NUDCD3: variants seen among roughly 807,000 people sequenced by gnomAD.
The protein encoded by NUDCD3 is nudC domain-containing protein 3.
NUDCD3 carries 13 observed loss-of-function variants against 39.7 expected under a neutral mutation model. The observed-to-expected ratio is 0.33, with a 90% CI of 0.21 to 0.52. The LOEUF is 0.52. NUDCD3 is among the 20% of genes least tolerant of loss of function. NUDCD3 has a pLI of 0.96. For missense variants in NUDCD3, 453 were observed against 458.1 expected, an observed-to-expected ratio of 0.99 and a Z score of 0.10; for synonymous variants, 175 against 172.4, an observed-to-expected ratio of 1.02 and a Z score of -0.12.
intron 2 of NUDCD3, among the ~76,000 whole-genome samples, chr7:44,480,362 A>T (rs1800462496): frequency 6.6e-6 from 1 of 152,228 alleles, no homozygotes. Flanking sequence ...AAAAATGAAG[A>T]ACACTCACAA....
intron 3 of NUDCD3, among the ~76,000 whole-genome samples, chr7:44,412,282 C>G (rs1300799326): frequency 1.3e-5 from 2 of 152,148 alleles, no homozygotes; most frequent in South Asian, 2.1e-4. Context: ...GGTTTAAAAC[C>G]CAGAGTACTC....
rs188101006 is a variant in NUDCD3, at chr7:44,475,143, G to A, written c.509+9825C>T. Among the ~76,000 whole-genome samples, 138 of 141,498 alleles carry A rather than the reference G, an allele frequency of 9.8e-4. No homozygotes were observed. The East Asian group carries it at 0.025, about 25-fold the overall frequency. The allele number at this position is 141,498 out of a possible 152,430, so 92.8% of individuals were successfully genotyped here. On this transcript the variant is annotated intron_variant, in intron 2 of 5. Coordinates refer to ENST00000355451, the MANE Select transcript of NUDCD3 (RefSeq NM_015332.4). ...TTTTTTTTTTTTGAGACGAAGTCTC[G>A]CTCTGTCACTCCAGCTGGAGTGCAG...
rs543501076 is a variant in NUDCD3 at position 44,477,063 on chromosome 7, G to A, written c.509+7905C>T. On this transcript the variant is annotated intron_variant, in intron 2 of 5. Transcript: ENST00000355451. ...GAAGCACCGAGGTCCCTGTAACTGC[G>A]CACAAAGGCCACACTACCCAAAGCA... 3.3e-5 allele frequency among the ~76,000 whole-genome samples: 5 copies of A among 152,210 alleles called. No homozygotes were observed. The South Asian group carries it at 6.2e-4, about 19-fold the overall frequency.
At chr7:44,468,625 G>C (rs1434884026) in intron 2 of NUDCD3, among the ~76,000 whole-genome samples, 3 of 152,150 alleles carry the variant, frequency 2.0e-5, no homozygotes, top group Admixed American at 6.6e-5. Flanking sequence ...CATCCACTGG[G>C]AGAGTCTAGA....
At chr7:44,453,736 T>C (rs184893617) in intron 2 of NUDCD3, among the ~76,000 whole-genome samples, 3 of 152,150 alleles carry the variant, frequency 2.0e-5, no homozygotes, top group African/African-American at 7.2e-5. Context: ...TTTTAAAACA[T>C]CTTTAAATGT....
At chr7:44,425,601 C>CT (rs1160985648) in intron 3 of NUDCD3, among the ~76,000 whole-genome samples, 1 of 152,186 alleles carries the variant, frequency 6.6e-6, no homozygotes, top group Admixed American at 6.5e-5. Flanking sequence ...CAATGGCTCA[C>CT]ACCTGCAATC....
intron 1 of NUDCD3, among the ~76,000 whole-genome samples, chr7:44,486,877 A>G (rs1290716810): frequency 6.6e-6 from 1 of 152,168 alleles, no homozygotes; most frequent in East Asian, 1.9e-4. Context: ...CCTCCCAACT[A>G]TCACATGTTC....
At chr7:44,445,233 C>G (rs1799669067) in intron 2 of NUDCD3, among the ~76,000 whole-genome samples, 1 of 152,210 alleles carries the variant, frequency 6.6e-6, no homozygotes. Flanking sequence ...TCTACATCCC[C>G]TACCTTGTCC....
chr7:44,435,312 G>A (rs1264647939), intron 2 of NUDCD3, among the ~76,000 whole-genome samples: 1 of 152,154 alleles, frequency 6.6e-6, no homozygotes, highest in African/African-American at 2.4e-5. Flanking sequence ...AACACACACG[G>A]TAAGCCTAGC....
chr7:44,474,774 T>C (rs1490779339), intron 2 of NUDCD3, among the ~76,000 whole-genome samples: 1 of 152,264 alleles, frequency 6.6e-6, no homozygotes, highest in Non-Finnish European at 1.5e-5. Flanking sequence ...CCTAACAACT[T>C]AAATCAGGTT....
At position 44,469,115 on chromosome 7, in the gene NUDCD3, C is replaced by CAAA. The variant is rs756247647; in HGVS notation, c.509+15850_509+15852dup. ...AGGGCCAGTTTTCAAACAAACAAACCAAAAAAAAAAAAAAAAAAAAAAAAA... is the reference window on the plus strand; with the variant it reads ...AGGGCCAGTTTTCAAACAAACAAACCAAAAAAAAAAAAAAAAAAAAAAAAAAAA... On this transcript the variant is annotated intron_variant, in intron 2 of 5. Transcript: ENST00000355451. Among the ~76,000 whole-genome samples the CAAA allele has an allele frequency of 3.3e-4, 11 of 32,862 alleles. 1 individual carries two copies. The East Asian group carries it at 4.2e-3, about 12-fold the overall frequency. 21.6% of individuals were successfully genotyped at this position (32,862 alleles called of 152,430 possible). A position where few individuals can be genotyped will look rare whatever the true frequency, so the allele number is the denominator to read the frequency against.
chr7:44,487,364 C>G (rs1175834725), intron 1 of NUDCD3, among the ~76,000 whole-genome samples: 1 of 151,996 alleles, frequency 6.6e-6, no homozygotes, highest in Non-Finnish European at 1.5e-5. Context: ...AAATTCTTCT[C>G]TGCCTATATT....
At chr7:44,437,739 T>C (rs1475328065) in intron 2 of NUDCD3, among the ~76,000 whole-genome samples, 2 of 152,240 alleles carry the variant, frequency 1.3e-5, no homozygotes, top group Non-Finnish European at 2.9e-5. Context: ...GATGATTCTA[T>C]ATTTACTGAA....
At chr7:44,459,075 AAAG>A (rs1219937979) in intron 2 of NUDCD3, among the ~76,000 whole-genome samples, 3 of 152,188 alleles carry the variant, frequency 2.0e-5, no homozygotes, top group South Asian at 2.1e-4. Context: ...GCAGGATTAT[AAAG>A]AAGAAATTCC....
rs1368481643 is a variant in NUDCD3 at position 44,384,965 on chromosome 7, ATAAGTTCCAAGGAGCACAGTC to A, written c.*1025_*1045del. ...CCTGGAGAACAGGTAAGATTGGGCC[ATAAGTTCCAAGGAGCACAGTC>A]TGGCACCTGGCACAGAGGATGGGAA... On this transcript the variant is annotated 3_prime_UTR_variant, in exon 6 of 6. Transcript: ENST00000355451. 22 of 152,324 alleles carry A rather than the reference ATAAGTTCCAAGGAGCACAGTC, an allele frequency of 1.4e-4. No individual in the cohort carries two copies. The highest frequency in any genetic ancestry group is 5.3e-4 in the African/African-American group (22 of 41,442). 9.4% of individuals were successfully genotyped at this position (152,324 alleles called of 1,614,324 possible).
intron 2 of NUDCD3, among the ~76,000 whole-genome samples, chr7:44,451,655 G>A (rs1170408348): frequency 6.6e-6 from 1 of 152,088 alleles, no homozygotes; most frequent in African/African-American, 2.4e-5. Flanking sequence ...GCAGGAGGGG[G>A]TCCGAAGAAA....
intron 2 of NUDCD3, among the ~76,000 whole-genome samples, chr7:44,476,854 T>C (rs1319847292): frequency 6.6e-6 from 1 of 152,206 alleles, no homozygotes; most frequent in Non-Finnish European, 1.5e-5. Context: ...CATGGTTACC[T>C]GCTGGGGAAA....
intron 2 of NUDCD3, among the ~76,000 whole-genome samples, chr7:44,468,601 GTATCCTCCTTGCTCATC>G (rs1800184092): frequency 2.6e-5 from 4 of 152,142 alleles, no homozygotes; most frequent in African/African-American, 9.7e-5. Context: ...CAAGAGACAG[GTATCCTCCTTGCTCATC>G]CACTGGGAGA....
At chr7:44,437,177 C>A (rs1208850479) in intron 2 of NUDCD3, among the ~76,000 whole-genome samples, 1 of 148,446 alleles carries the variant, frequency 6.7e-6, no homozygotes, top group Non-Finnish European at 1.5e-5. Flanking sequence ...TCAAGCAATT[C>A]TCCTGCCTCA....
Sources: allele counts gnomAD v4.1 joint callset (sites outside exome capture counted in the v4.1 genomes callset), GRCh38; gene constraint gnomAD v4.1.1; transcripts MANE v1.5; gene names NCBI Gene and HGNC (gene_info 2026-07-23, HGNC 2026-07-21).